NTRK2: variants seen among roughly 807,000 people sequenced by gnomAD.
NTRK2 encodes neurotrophic receptor tyrosine kinase 2.
In NTRK2, 13 loss-of-function variants were observed where a neutral mutation model predicts 94.5. The ratio of observed to expected loss-of-function variants is 0.14; its 90% CI spans 0.09 to 0.22. The LOEUF (loss-of-function observed/expected upper bound fraction) is 0.22, where lower values mean the gene tolerates loss of function less well. Among genes scored for constraint, NTRK2 ranks in the 10% least tolerant of loss-of-function variants. The pLI is 1.00. For missense variants in NTRK2, 639 were observed against 1,071.2 expected, an observed-to-expected ratio of 0.60 and a Z score of 5.63; for synonymous variants, 372 against 407.4, an observed-to-expected ratio of 0.91 and a Z score of 1.05.
chr9:84,848,047 G>A (rs1348702163), intron 12 of NTRK2, among the ~76,000 whole-genome samples: 1 of 150,840 alleles, frequency 6.6e-6, no homozygotes, highest in Non-Finnish European at 1.5e-5. Context: ...GTCCTCACAT[G>A]GCCTTTTCTC....
chr9:84,928,991 G>A (rs1484468558), intron 14 of NTRK2, among the ~76,000 whole-genome samples: 1 of 152,138 alleles, frequency 6.6e-6, no homozygotes, highest in Admixed American at 6.5e-5. Context: ...TGGGCCAAGA[G>A]TATCTATGAA....
chr9:84,885,512 C>G (rs916563035), intron 14 of NTRK2, among the ~76,000 whole-genome samples: 7 of 150,244 alleles, frequency 4.7e-5, no homozygotes, highest in Non-Finnish European at 8.9e-5. Context: ...TAGAAGTTAT[C>G]TTTTTTTTTT....
intron 12 of NTRK2, among the ~76,000 whole-genome samples, chr9:84,855,848 C>A (rs960601915): frequency 6.6e-6 from 1 of 152,128 alleles, no homozygotes; most frequent in African/African-American, 2.4e-5. Context: ...CCAAGCTTGC[C>A]CTAGGTGTTA....
intron 17 of NTRK2, among the ~76,000 whole-genome samples, chr9:84,978,365 G>A (rs1827168608): frequency 6.6e-6 from 1 of 152,096 alleles, no homozygotes. Flanking sequence ...AAGCTTCAGT[G>A]GTCTAGATAG....
At chr9:84,888,982 A>ATTTTTTTTTTT (rs71369159) in intron 14 of NTRK2, among the ~76,000 whole-genome samples, 3,623 of 101,556 alleles carry the variant, frequency 0.036, 886 homozygotes, top group Non-Finnish European at 0.042. Flanking sequence ...AATGACAGAA[A>ATTTTTTTTTTT]TTTTTTTTTT....
At chr9:84,797,594 A>T (rs1423222202) in intron 12 of NTRK2, among the ~76,000 whole-genome samples, 1 of 81,872 alleles carries the variant, frequency 1.2e-5, no homozygotes, top group Non-Finnish European at 2.2e-5. Context: ...TACTATATAT[A>T]CTATATATTA....
chr9:84,934,408 T>G, intron 15 of NTRK2, 116 bp downstream of exon 15: 1 of 1,083,590 alleles, frequency 9.2e-7, no homozygotes. Context: ...CCTGCTATGA[T>G]GGATGTATTC....
At chr9:84,851,692 TC>T (rs1387888339) in intron 12 of NTRK2, among the ~76,000 whole-genome samples, 2 of 152,080 alleles carry the variant, frequency 1.3e-5, no homozygotes, top group Non-Finnish European at 2.9e-5. Flanking sequence ...TCACCATGGT[TC>T]CCAGATTGGT....
intron 12 of NTRK2, among the ~76,000 whole-genome samples, chr9:84,850,372 G>A (rs971075774): frequency 7.2e-5 from 11 of 152,204 alleles, no homozygotes; most frequent in East Asian, 1.9e-4. Flanking sequence ...AATAGTTTTC[G>A]AATGAATTAA....
chr9:84,730,783 C>CAAAAAAAAAAAAAAAAA lies in NTRK2; in HGVS notation c.1159+2833_1159+2849dup. ...AAACTAAAGAAAAATAAACAAATAGCAAAAAAAAAAAAAAAAAAAAAAAAA... is the reference window on the plus strand; with the variant it reads ...AAACTAAAGAAAAATAAACAAATAGCAAAAAAAAAAAAAAAAAAAAAAAAAAAAAAAAAAAAAAAAAA... On this transcript the variant is annotated intron_variant, in intron 9 of 18. Transcript: ENST00000277120. Among the ~76,000 whole-genome samples the CAAAAAAAAAAAAAAAAA allele has an allele frequency of 7.9e-4, 19 of 24,138 alleles. 3 individuals carry two copies. Among genetic ancestry groups the CAAAAAAAAAAAAAAAAA allele is most frequent in the African/African-American group, 1.8e-3 (10 of 5,634 alleles). 15.8% of individuals were successfully genotyped at this position (24,138 alleles called of 152,430 possible).
chr9:84,865,764 C>T (rs1416990854), intron 13 of NTRK2, among the ~76,000 whole-genome samples: 1 of 152,218 alleles, frequency 6.6e-6, no homozygotes, highest in Non-Finnish European at 1.5e-5. Context: ...TTTATTCTTT[C>T]TCTGGGCTTG....
chr9:85,013,786 A>G (rs1258410726), intron 17 of NTRK2, among the ~76,000 whole-genome samples: 1 of 152,208 alleles, frequency 6.6e-6, no homozygotes, highest in Non-Finnish European at 1.5e-5. Context: ...ACAGCTAATC[A>G]TCTCTTAATG....
intron 15 of NTRK2, among the ~76,000 whole-genome samples, 157 bp downstream of exon 15, chr9:84,934,449 A>G (rs910703341): frequency 6.6e-6 from 1 of 152,214 alleles, no homozygotes; most frequent in African/African-American, 2.4e-5. Flanking sequence ...GACAGTGGAA[A>G]GGACATTTGG....
At chr9:84,978,233 C>T (rs535178804) in intron 17 of NTRK2, among the ~76,000 whole-genome samples, 1 of 152,316 alleles carries the variant, frequency 6.6e-6, no homozygotes, top group East Asian at 1.9e-4. Flanking sequence ...AAAGCGAGGC[C>T]TCTTGTGACA....
Position 84,918,117 on chromosome 9 carries a change from A to C in NTRK2, c.1634-16045A>C, listed in dbSNP as rs563199501. ...CAAATACAATCACGTCTGTGAACCCACTTGTCAAGCAACAGAAAGGCACAG... is the reference window on the plus strand; with the variant it reads ...CAAATACAATCACGTCTGTGAACCCCCTTGTCAAGCAACAGAAAGGCACAG... On this transcript the variant is annotated intron_variant, in intron 14 of 18. Transcript: ENST00000277120. Among the ~76,000 whole-genome samples the C allele has an allele frequency of 3.9e-5, 6 of 152,324 alleles. No homozygotes were observed. In the East Asian group the frequency reaches 1.2e-3, roughly 29 times the overall value.
At chr9:84,940,033 TG>T (rs903139708) in intron 15 of NTRK2, among the ~76,000 whole-genome samples, 52 of 152,296 alleles carry the variant, frequency 3.4e-4, no homozygotes, top group African/African-American at 1.3e-3. Context: ...TGGCTTATCT[TG>T]GGCTGTGTCA....
chr9:84,772,220 G>A (rs961672232), intron 12 of NTRK2, among the ~76,000 whole-genome samples: 2 of 152,162 alleles, frequency 1.3e-5, no homozygotes, highest in African/African-American at 4.8e-5. Context: ...TTTGTTAACA[G>A]TGGACATGCA....
intron 12 of NTRK2, chr9:84,814,099 G>A: frequency 1.9e-6 from 2 of 1,065,318 alleles, no homozygotes; most frequent in South Asian, 4.6e-5. Flanking sequence ...TCCCAGCAGG[G>A]ACTGATTTCA....
rs1472556433 is a variant in NTRK2, at chr9:85,023,879, A to G, written c.*2442A>G. 1 of 229,872 alleles carries G rather than the reference A, an allele frequency of 4.4e-6. No homozygotes were observed. The highest frequency in any genetic ancestry group is 5.7e-5 in the Admixed American group (1 of 17,698). The allele number at this position is 229,872 out of a possible 1,614,324, so 14.2% of individuals were successfully genotyped here. ...TATTTATTTTATTTTAAGAGAATAA[A>G]GTAGGTAATAATTTAAGGGATCAAA... On this transcript the variant is annotated 3_prime_UTR_variant, in exon 19 of 19. Transcript: ENST00000277120.
Sources: allele counts gnomAD v4.1 joint callset (sites outside exome capture counted in the v4.1 genomes callset), GRCh38; gene constraint gnomAD v4.1.1; transcripts MANE v1.5; gene names NCBI Gene and HGNC (gene_info 2026-07-23, HGNC 2026-07-21).